The following AVEN variants were observed in gnomAD, a reference collection of about 807,000 sequenced individuals.
AVEN encodes the protein cell death regulator Aven.
In AVEN, 41 loss-of-function variants were observed where a neutral mutation model predicts 38.1. The ratio of observed to expected loss-of-function variants is 1.08; its 90% CI spans 0.84 to 1.40. AVEN has a LOEUF of 1.40. Among genes scored for constraint, AVEN ranks in the 40% most tolerant of loss-of-function variants. AVEN has a pLI of 0.00. For missense variants in AVEN, 605 were observed against 438.8 expected (o/e 1.38, Z -3.38); for synonymous variants, 206 against 171.8 (o/e 1.20, Z -1.56).
chr15:33,855,753 ATAT>A (rs2079588993), downstream of AVEN: 2 of 152,228 alleles, frequency 1.3e-5, no homozygotes, highest in South Asian at 4.1e-4. Flanking sequence ...TAGTTAATAC[ATAT>A]TATATAGTTA....
At chr15:33,931,546 A>AT (rs1418803676) in intron 2 of AVEN, among the ~76,000 whole-genome samples, 4 of 151,450 alleles carry the variant, frequency 2.6e-5, no homozygotes, top group Non-Finnish European at 5.9e-5. Flanking sequence ...AATTTTTTGT[A>AT]TTTTTAGTAG....
At chr15:34,026,175 C>T (rs1169545852) in intron 1 of AVEN, among the ~76,000 whole-genome samples, 1 of 152,122 alleles carries the variant, frequency 6.6e-6, no homozygotes, top group African/African-American at 2.4e-5. Flanking sequence ...ATAATTTCCA[C>T]ATATTGTCAT....
At chr15:34,007,002 T>C (rs1254845431) in intron 1 of AVEN, 1 of 914,552 alleles carries the variant, frequency 1.1e-6, no homozygotes, top group Non-Finnish European at 1.3e-6. Context: ...CATATAAATA[T>C]TGTTACAAAA....
chr15:33,889,342 C>G (rs1014305100), intron 2 of AVEN, among the ~76,000 whole-genome samples: 11 of 152,180 alleles, frequency 7.2e-5, no homozygotes, highest in Admixed American at 6.5e-4. Flanking sequence ...ATGCCAAGAT[C>G]ATTTCTGTAA....
At chr15:34,036,457 G>C (rs1379120648) in intron 1 of AVEN, among the ~76,000 whole-genome samples, 1 of 152,068 alleles carries the variant, frequency 6.6e-6, no homozygotes, top group East Asian at 1.9e-4. Flanking sequence ...GATCATTTCG[G>C]TTACTCTCTC....
chr15:33,909,920 G>A (rs1233525718), intron 2 of AVEN, among the ~76,000 whole-genome samples: 1 of 152,078 alleles, frequency 6.6e-6, no homozygotes, highest in Non-Finnish European at 1.5e-5. Context: ...CCTGAGGTCA[G>A]GAGTTTGAGA....
intron 4 of AVEN, chr15:34,064,056 A>T: frequency 6.2e-7 from 1 of 1,614,186 alleles, no homozygotes; most frequent in Non-Finnish European, 8.5e-7. Context: ...ACTGAGTGCC[A>T]TTCTCCTGGC....
At chr15:33,873,001 C>A (rs2153035241) in intron 3 of AVEN, among the ~76,000 whole-genome samples, 1 of 151,970 alleles carries the variant, frequency 6.6e-6, no homozygotes, top group South Asian at 2.1e-4. Flanking sequence ...CCCTCTCCTG[C>A]CAGGATTCCC....
At position 33,881,835 on chromosome 15, in the gene AVEN, C is replaced by G. The variant is rs1891497433; in HGVS notation, c.446-5840G>C. On this transcript the variant is annotated intron_variant, in intron 2 of 5. Coordinates refer to ENST00000306730, the MANE Select transcript of AVEN (RefSeq NM_020371.3). ...GCTTTATTTGTTTGCCAGAAGAGTT[C>G]CTGGTCTCTCACATACTAAACACAT... 2.6e-5 allele frequency among the ~76,000 whole-genome samples: 4 copies of G among 152,158 alleles called. No homozygotes were observed. The South Asian group carries it at 6.2e-4, about 24-fold the overall frequency.
intron 2 of AVEN, among the ~76,000 whole-genome samples, chr15:34,001,891 T>C (rs1004385779): frequency 2.6e-5 from 4 of 152,220 alleles, no homozygotes; most frequent in Non-Finnish European, 5.9e-5. Context: ...ATCAAAGTCA[T>C]GAGGAAGAAA....
At chr15:34,039,848 A>C (rs558432526), upstream of AVEN, among the ~76,000 whole-genome samples, 1 of 152,188 alleles carries the variant, frequency 6.6e-6, no homozygotes, top group Non-Finnish European at 1.5e-5. Context: ...AAAAAACTTG[A>C]CTAAAGTGAA....
chr15:33,892,946 G>C (rs7403241), intron 2 of AVEN, among the ~76,000 whole-genome samples: 124,561 of 151,980 alleles, frequency 0.82, 55,134 homozygotes, highest in Non-Finnish European at 0.98. Context: ...CACATCCCTT[G>C]TAATTTGGAT....
At chr15:33,889,033 A>C (rs1891826220) in intron 2 of AVEN, among the ~76,000 whole-genome samples, 1 of 152,098 alleles carries the variant, frequency 6.6e-6, no homozygotes, top group Non-Finnish European at 1.5e-5. Flanking sequence ...CTTTTTTGCT[A>C]TTTTCATATA....
chr15:33,873,133 T>G (rs185201183), intron 3 of AVEN, among the ~76,000 whole-genome samples: 4,215 of 139,002 alleles, frequency 0.03, 131 homozygotes, highest in Non-Finnish European at 0.039. Context: ...ATGGAGTCTC[T>G]CTGTTGCCCA....
intron 1 of AVEN, among the ~76,000 whole-genome samples, chr15:34,037,664 G>C (rs1221341339): frequency 6.6e-6 from 1 of 151,412 alleles, no homozygotes; most frequent in Non-Finnish European, 1.5e-5. Context: ...GAGGTAAACT[G>C]ACCCTAAAAA....
chr15:33,990,489 T>C (rs1056018900), intron 2 of AVEN, among the ~76,000 whole-genome samples: 4 of 152,098 alleles, frequency 2.6e-5, no homozygotes, highest in African/African-American at 9.7e-5. Context: ...ACCAGAAGAG[T>C]ATCTGGAATA....
rs778271152 is a variant in AVEN at position 34,063,306 on chromosome 15, A to G, written n.1253T>C. ...CTCTGAGCCCACCATCACTTTTGGC[A>G]CTGCCATTGCTGCCTTCTACATCCC... On this transcript the variant is annotated non_coding_transcript_exon_variant, in exon 5 of 12. Transcript: ENST00000675287. This position sits in a 1 kb window ranked among gnomAD's most constrained non-coding sequence, Gnocchi z 4.1. 1 of 1,614,080 alleles carries G rather than the reference A, an allele frequency of 6.2e-7. No homozygotes were observed. The highest frequency in any genetic ancestry group is 1.1e-5 in the South Asian group (1 of 91,080).
intron 1 of AVEN, among the ~76,000 whole-genome samples, chr15:34,025,516 G>A (rs1174986319): frequency 6.6e-6 from 1 of 152,146 alleles, no homozygotes; most frequent in Non-Finnish European, 1.5e-5. Flanking sequence ...CATTGCTCAA[G>A]ACTCGAAGCC....
In AVEN at chr15:34,038,910, T is replaced by C. The variant is rs562954080; in HGVS notation, c.137A>G (p.Asp46Gly). The C allele has an allele frequency of 9.0e-7, 1 of 1,106,844 alleles. No homozygotes were observed. The allele number at this position is 1,106,844 out of a possible 1,614,324, so 68.6% of individuals were successfully genotyped here. ...ARGGGGGGGG[D>G]GGGRRGRGRG... ...GCCACGGCCCCGGCGTCCGCCTCCG[T>C]CCCCGCCGCCGCCTCCGCCGCCGCC... The change falls in exon 1 of 6, where the codon GAC becomes GGC. Residue 46 changes from aspartate (D) to glycine (G), a missense_variant. Transcript: ENST00000306730.
Sources: allele counts gnomAD v4.1 joint callset (sites outside exome capture counted in the v4.1 genomes callset), GRCh38; gene constraint gnomAD v4.1.1; non-coding constraint Gnocchi (gnomAD v3.1); transcripts MANE v1.5; gene names NCBI Gene and HGNC (gene_info 2026-07-23, HGNC 2026-07-21).